The following NTNG1 variants were observed in gnomAD, a reference collection of about 807,000 sequenced individuals.
NTNG1 encodes netrin-G1.
NTNG1 carries 16 observed loss-of-function variants against 54.0 expected under a neutral mutation model. The ratio of observed to expected loss-of-function variants is 0.30; its 90% CI spans 0.20 to 0.45. NTNG1 has a LOEUF of 0.45. Ranked by LOEUF, NTNG1 falls within the 20% of genes least tolerant of loss-of-function variation. The pLI, the probability that NTNG1 is intolerant of heterozygous loss-of-function variation, is 1.00. For missense variants in NTNG1, 530 were observed against 678.7 expected, an observed-to-expected ratio of 0.78 and a Z score of 2.43; for synonymous variants, 255 against 263.1, an observed-to-expected ratio of 0.97 and a Z score of 0.30.
intron 3 of NTNG1, among the ~76,000 whole-genome samples, chr1:107,361,004 T>C (rs1458038976): frequency 6.6e-6 from 1 of 151,412 alleles, no homozygotes; most frequent in Non-Finnish European, 1.5e-5. Flanking sequence ...ACTCTATAAA[T>C]TTCATTGTTT....
chr1:107,417,601 A>G (rs1445830389), intron 5 of NTNG1, among the ~76,000 whole-genome samples: 1 of 152,084 alleles, frequency 6.6e-6, no homozygotes, highest in Non-Finnish European at 1.5e-5. Flanking sequence ...GCCTGTCCAC[A>G]TATCGGTGAG....
At chr1:107,414,214 C>T (rs1163225449) in intron 5 of NTNG1, among the ~76,000 whole-genome samples, 2 of 152,080 alleles carry the variant, frequency 1.3e-5, no homozygotes, top group South Asian at 2.1e-4. Context: ...ATGCAGTGAG[C>T]TTTCCTTGGG....
intron 2 of NTNG1, among the ~76,000 whole-genome samples, chr1:107,315,300 C>T (rs1667271711): frequency 6.6e-6 from 1 of 152,166 alleles, no homozygotes; most frequent in South Asian, 2.1e-4. Flanking sequence ...CATTCAGTGA[C>T]TCTAGTAAAC....
chr1:107,271,771 G>T (rs1322216603), intron 2 of NTNG1, among the ~76,000 whole-genome samples: 1 of 152,052 alleles, frequency 6.6e-6, no homozygotes, highest in Admixed American at 6.6e-5. Context: ...TCAGAGACAA[G>T]AATATAAGAT....
At chr1:107,343,656 A>G (rs11185092) in intron 3 of NTNG1, among the ~76,000 whole-genome samples, 38,516 of 151,982 alleles carry the variant, frequency 0.25, 5,075 homozygotes, top group African/African-American at 0.32. Flanking sequence ...GAATTATACA[A>G]TGAAAAGCTG....
intron 3 of NTNG1, among the ~76,000 whole-genome samples, chr1:107,368,001 G>T (rs1007542397): frequency 6.6e-6 from 1 of 151,966 alleles, no homozygotes; most frequent in Non-Finnish European, 1.5e-5. Context: ...ACCTCAACCC[G>T]CCTGCCTCGG....
At chr1:107,374,112 G>A (rs185481924) in intron 3 of NTNG1, among the ~76,000 whole-genome samples, 1 of 152,218 alleles carries the variant, frequency 6.6e-6, no homozygotes, top group African/African-American at 2.4e-5. Context: ...TTCTCACTTG[G>A]ATTGTTTTCA....
At chr1:107,176,685 A>T (rs186482117) in intron 2 of NTNG1, among the ~76,000 whole-genome samples, 14 of 152,296 alleles carry the variant, frequency 9.2e-5, no homozygotes, top group Non-Finnish European at 1.9e-4. Context: ...GATTTTTTAC[A>T]ATCTGTATTT....
At chr1:107,170,818 A>T (rs138172162) in intron 2 of NTNG1, among the ~76,000 whole-genome samples, 271 of 152,266 alleles carry the variant, frequency 1.8e-3, no homozygotes, top group African/African-American at 6.2e-3. Context: ...CCATAATCAA[A>T]TATAGGCAGT....
intron 3 of NTNG1, among the ~76,000 whole-genome samples, chr1:107,385,180 G>A (rs890763930): frequency 4.6e-5 from 7 of 152,192 alleles, no homozygotes; most frequent in African/African-American, 1.7e-4. Context: ...TGGGAAGACA[G>A]ACTCACGTTA....
chr1:107,154,138 A>G (rs1654788522), intron 2 of NTNG1, among the ~76,000 whole-genome samples: 1 of 152,148 alleles, frequency 6.6e-6, no homozygotes. Context: ...AACTTAATAC[A>G]AAGTAGTGTG....
At position 107,324,410 on chromosome 1, in the gene NTNG1, G is replaced by T. The variant is rs1667827326; in HGVS notation, c.375G>T (p.Glu125Asp). The change falls in exon 3 of 8, where the codon GAG becomes GAT. Residue 125 changes from glutamate (E) to aspartate (D), a missense_variant. Physicochemically the swap from Glu to Asp is conservative, Grantham distance 45. Transcript: ENST00000370068. ...STFWQSATWK[E>D]YPKPLQVNIT... is the part of the protein sequence containing the mutation. ...TTTGGCAGTCTGCCACTTGGAAGGA[G>T]TATCCCAAGCCTCTCCAGGTTAACA... 6.2e-7 allele frequency: 1 copy of T among 1,613,740 alleles called. No individual in the cohort carries two copies. The highest frequency in any genetic ancestry group is 1.3e-5 in the African/African-American group (1 of 74,898).
intron 7 of NTNG1, among the ~76,000 whole-genome samples, chr1:107,467,767 T>TTTC (rs1339149653): frequency 6.6e-6 from 1 of 152,258 alleles, no homozygotes; most frequent in Non-Finnish European, 1.5e-5. Flanking sequence ...CTCTTTGTCC[T>TTTC]TTCTTAGCCT....
At chr1:107,381,228 A>T (rs1245034064) in intron 3 of NTNG1, among the ~76,000 whole-genome samples, 1 of 152,078 alleles carries the variant, frequency 6.6e-6, no homozygotes, top group Non-Finnish European at 1.5e-5. Flanking sequence ...TTTACAGATA[A>T]GGAGCTAGAC....
intron 3 of NTNG1, among the ~76,000 whole-genome samples, chr1:107,332,197 G>A (rs1668323151): frequency 6.6e-6 from 1 of 151,974 alleles, no homozygotes; most frequent in Non-Finnish European, 1.5e-5. Flanking sequence ...CTATTATAAG[G>A]AGAGAATGTA....
intron 3 of NTNG1, among the ~76,000 whole-genome samples, chr1:107,378,333 G>T (rs1431235667): frequency 1.3e-5 from 2 of 152,192 alleles, no homozygotes; most frequent in Non-Finnish European, 2.9e-5. Flanking sequence ...CAGGGAAGAA[G>T]ATATATCCAG....
chr1:107,178,335 A>G (rs1656805184), intron 2 of NTNG1, among the ~76,000 whole-genome samples: 1 of 152,108 alleles, frequency 6.6e-6, no homozygotes, highest in African/African-American at 2.4e-5. Flanking sequence ...AAATCATGCC[A>G]TCTTTTACAA....
intron 2 of NTNG1, among the ~76,000 whole-genome samples, chr1:107,170,446 G>A (rs973754397): frequency 2.8e-4 from 42 of 152,130 alleles, no homozygotes; most frequent in African/African-American, 9.2e-4. Flanking sequence ...AGGGAAGTCT[G>A]TTCAAAATTG....
chr1:107,281,423 T>C (rs1281579732), intron 2 of NTNG1, among the ~76,000 whole-genome samples: 1 of 152,182 alleles, frequency 6.6e-6, no homozygotes, highest in Non-Finnish European at 1.5e-5. Flanking sequence ...TTGTTTGATT[T>C]TGTTTATATT....
Sources: gnomAD v4.1 joint callset for allele counts (sites outside exome capture counted in the v4.1 genomes callset) on GRCh38, gnomAD v4.1.1 for gene constraint, MANE v1.5 for transcripts, NCBI Gene and HGNC (gene_info 2026-07-23, HGNC 2026-07-21) for gene names.